SIPA1L3: variants seen among roughly 807,000 people sequenced by gnomAD.
The protein encoded by SIPA1L3 is signal-induced proliferation-associated 1-like protein 3.
A neutral mutation model predicts 150.1 loss-of-function variants in SIPA1L3; 59 were observed. The observed-to-expected ratio is 0.39, with a 90% CI of 0.32 to 0.49. The LOEUF (loss-of-function observed/expected upper bound fraction) is 0.49. Ranked by LOEUF, SIPA1L3 falls within the 20% of genes least tolerant of loss-of-function variation. The probability of loss-of-function intolerance (pLI) is 0.86; values close to 1 mark genes in which losing one functional copy is unlikely to be tolerated. For missense variants in SIPA1L3, 2,211 were observed against 2,489.5 expected, an observed-to-expected ratio of 0.89 and a Z score of 2.38; for synonymous variants, 1,070 against 1,077.6, an observed-to-expected ratio of 0.99 and a Z score of 0.14.
At position 37,998,846 on chromosome 19, in the gene SIPA1L3, TAAAGA is replaced by T. The variant is rs1967706609; in HGVS notation, c.-378-30241_-378-30237del. On this transcript the variant is annotated intron_variant, in intron 1 of 21. Transcript: ENST00000222345. ...AGGAAAAGGGGGGAAAAGGAAGAAA[TAAAGA>T]ATAGATGAAGCTAATATGGCAGAAT... 2.0e-5 allele frequency among the ~76,000 whole-genome samples: 3 copies of T among 151,916 alleles called. No individual in the cohort carries two copies. In the South Asian group the frequency reaches 6.2e-4, roughly 32 times the overall value.
chr19:38,124,615 G>C (rs1174360729), intron 9 of SIPA1L3, among the ~76,000 whole-genome samples: 1 of 152,194 alleles, frequency 6.6e-6, no homozygotes, highest in Non-Finnish European at 1.5e-5. Flanking sequence ...CCGGGCAGAG[G>C]CTGCACTCTT....
intron 1 of SIPA1L3, among the ~76,000 whole-genome samples, chr19:37,910,018 T>C (rs1247169123): frequency 6.6e-6 from 1 of 150,916 alleles, no homozygotes; most frequent in Non-Finnish European, 1.5e-5. Flanking sequence ...TAGCAGTCAG[T>C]GTAGAATGAA....
At chr19:37,966,920 T>C (rs1390142169) in intron 1 of SIPA1L3, among the ~76,000 whole-genome samples, 1 of 152,034 alleles carries the variant, frequency 6.6e-6, no homozygotes, top group Non-Finnish European at 1.5e-5. Flanking sequence ...TTTCCACGGG[T>C]GGCTGGGGAA....
chr19:37,959,833 T>A (rs1053541026), intron 1 of SIPA1L3, among the ~76,000 whole-genome samples: 3 of 148,526 alleles, frequency 2.0e-5, no homozygotes, highest in South Asian at 2.1e-4. Context: ...TTTTTTTTTT[T>A]AATTGGGTCT....
intron 4 of SIPA1L3, among the ~76,000 whole-genome samples, chr19:38,094,806 C>T (rs1021574920): frequency 2.0e-5 from 3 of 152,134 alleles, no homozygotes; most frequent in Non-Finnish European, 2.9e-5. Flanking sequence ...GTAGCTCACG[C>T]CTGTAATCCC....
Position 37,930,093 on chromosome 19 carries a change from C to T in SIPA1L3, c.-379+22735C>T, listed in dbSNP as rs554022212. On this transcript the variant is annotated intron_variant, in intron 1 of 21. Coordinates refer to ENST00000222345, the MANE Select transcript of SIPA1L3 (RefSeq NM_015073.3). ...AGGCTGGAGTGCAGTGGCGCGATCT[C>T]GGCTCACTGCAACCTCTGACTCCCT... Among the ~76,000 whole-genome samples, 35 of 149,006 alleles carry T rather than the reference C, an allele frequency of 2.3e-4. No homozygotes were observed. The East Asian group carries it at 5.1e-3, about 22-fold the overall frequency.
At chr19:37,933,345 C>T (rs2046572426) in intron 1 of SIPA1L3, among the ~76,000 whole-genome samples, 1 of 152,096 alleles carries the variant, frequency 6.6e-6, no homozygotes, top group Non-Finnish European at 1.5e-5. Flanking sequence ...TCAGATGTCA[C>T]CTTCTCCATG....
At position 38,164,446 on chromosome 19, in the gene SIPA1L3, G is replaced by T; in HGVS notation, c.3781-33G>T. On this transcript the variant is annotated intron_variant, in intron 14 of 21. Coordinates refer to ENST00000222345, the MANE Select transcript of SIPA1L3 (RefSeq NM_015073.3). The surrounding 1 kb of genome is among the most constrained non-coding windows in gnomAD (Gnocchi z 4.1). ...AGGGAAGATGCGCCCCTGCCCTGGAGTCTGGGAATGACACGCTTCTCTTGC... is the reference window on the plus strand; with the variant it reads ...AGGGAAGATGCGCCCCTGCCCTGGATTCTGGGAATGACACGCTTCTCTTGC... 6.4e-7 allele frequency: 1 copy of T among 1,569,720 alleles called. No homozygotes were observed. Among genetic ancestry groups the T allele is most frequent in the Non-Finnish European group, 8.7e-7 (1 of 1,151,262 alleles).
At chr19:37,992,065 G>A (rs190104648) in intron 1 of SIPA1L3, among the ~76,000 whole-genome samples, 11 of 152,374 alleles carry the variant, frequency 7.2e-5, no homozygotes, top group Admixed American at 6.5e-5. Flanking sequence ...AGGCATCCAC[G>A]TGGCTAGAGG....
At chr19:38,180,337 T>C (rs1430342683) in intron 15 of SIPA1L3, among the ~76,000 whole-genome samples, 1 of 152,076 alleles carries the variant, frequency 6.6e-6, no homozygotes, top group Non-Finnish European at 1.5e-5. Context: ...TTTTTTTTTC[T>C]TTTTTATAGA....
intron 8 of SIPA1L3, 118 bp downstream of exon 8, chr19:38,110,502 C>T (rs762223025): frequency 1.1e-5 from 8 of 746,962 alleles, no homozygotes; most frequent in East Asian, 5.4e-5. Context: ...GAGAAGAGCT[C>T]GGCGTATACT....
At chr19:38,171,487 G>A (rs1381892417) in intron 15 of SIPA1L3, among the ~76,000 whole-genome samples, 1 of 146,486 alleles carries the variant, frequency 6.8e-6, no homozygotes, top group South Asian at 2.2e-4. Context: ...CTGCCTCCCA[G>A]GTTCAAGCGA....
chr19:38,149,156 C>T (rs182689210), intron 12 of SIPA1L3, among the ~76,000 whole-genome samples: 5 of 152,204 alleles, frequency 3.3e-5, no homozygotes, highest in East Asian at 1.9e-4. Context: ...TTTGGGAGGC[C>T]GAGGTGGGCA....
chr19:37,932,405 G>C (rs1304880436), intron 1 of SIPA1L3: 1 of 152,236 alleles, frequency 6.6e-6, no homozygotes, highest in Non-Finnish European at 1.5e-5. Context: ...CTTTGGGAAC[G>C]CGCCTGTTCA....
At chr19:38,145,370 G>A (rs942099975) in intron 12 of SIPA1L3, among the ~76,000 whole-genome samples, 1 of 151,540 alleles carries the variant, frequency 6.6e-6, no homozygotes, top group Non-Finnish European at 1.5e-5. Flanking sequence ...CGTCTCTACT[G>A]AAAATACAAA....
intron 18 of SIPA1L3, 96 bp from the exon 19 acceptor site, chr19:38,198,293 T>C: frequency 7.5e-7 from 1 of 1,333,252 alleles, no homozygotes; most frequent in Non-Finnish European, 9.9e-7. Context: ...TTCCTGGGCA[T>C]GTAGCATCTC....
chr19:37,911,570 G>T (rs189967074), intron 1 of SIPA1L3, among the ~76,000 whole-genome samples: 1 of 150,468 alleles, frequency 6.6e-6, no homozygotes, highest in African/African-American at 2.4e-5. Context: ...GTGCAGTGGC[G>T]CAATCTCAGC....
At chr19:38,139,597 C>T (rs1971524010) in intron 10 of SIPA1L3, among the ~76,000 whole-genome samples, 1 of 152,192 alleles carries the variant, frequency 6.6e-6, no homozygotes, top group African/African-American at 2.4e-5. Flanking sequence ...AGCCAGAAGA[C>T]ACTGCCAAGT....
chr19:38,142,457 C>T lies in SIPA1L3; in HGVS notation c.3396-116C>T, dbSNP rs998569289. 51 of 1,199,064 alleles carry T rather than the reference C, an allele frequency of 4.3e-5. 1 individual carries two copies. Among genetic ancestry groups the T allele is most frequent in the South Asian group, 8.3e-5 (5 of 59,988 alleles). 74.3% of individuals were successfully genotyped at this position (1,199,064 alleles called of 1,614,324 possible). On this transcript the variant is annotated intron_variant, in intron 11 of 21. Coordinates refer to ENST00000222345, the MANE Select transcript of SIPA1L3 (RefSeq NM_015073.3). The stretch of plus-strand genomic sequence containing the variant: ...GGATGTGGCTGGGCGGGGGAAAGTT[C>T]GGTTGGTCTGTCTGTCTGTCCGTCT...
Sources: allele counts gnomAD v4.1 joint callset (sites outside exome capture counted in the v4.1 genomes callset), GRCh38; gene constraint gnomAD v4.1.1; non-coding constraint Gnocchi (gnomAD v3.1); transcripts MANE v1.5; gene names NCBI Gene and HGNC (gene_info 2026-07-23, HGNC 2026-07-21).